Variants in DNAJC7 observed in about 807,000 individuals in gnomAD.
DNAJC7 encodes the protein DnaJ heat shock protein family (Hsp40) member C7.
A neutral mutation model predicts 67.4 loss-of-function variants in DNAJC7; 18 were observed. The ratio of observed to expected loss-of-function variants is 0.27; its 90% CI spans 0.18 to 0.40. The LOEUF (loss-of-function observed/expected upper bound fraction) is 0.40. DNAJC7 is among the 10% of genes least tolerant of loss of function. The pLI, the probability that DNAJC7 is intolerant of heterozygous loss-of-function variation, is 1.00. For synonymous variants in DNAJC7, 220 were observed against 207.8 expected, an observed-to-expected ratio of 1.06 and a Z score of -0.50; for missense variants, 419 against 613.8, an observed-to-expected ratio of 0.68 and a Z score of 3.35.
Position 42,012,367 on chromosome 17 carries a change from C to T in DNAJC7, c.77+4973G>A, listed in dbSNP as rs574106480. ...GTGTGGTGGCACACGCCTATAGTCC[C>T]AGCTACTCGGGAGGCTGAGGCAGGA... On this transcript the variant is annotated intron_variant, in intron 1 of 13. Transcript: ENST00000457167. Among the ~76,000 whole-genome samples, 6 of 152,314 alleles carry T rather than the reference C, an allele frequency of 3.9e-5. No individual in the cohort carries two copies. In the South Asian group the frequency reaches 1.2e-3, roughly 32 times the overall value.
rs782225201 is a variant in DNAJC7, at chr17:41,994,933, A to T, written c.417T>A (p.Ala139=). 11 of 1,613,894 alleles carry T rather than the reference A, an allele frequency of 6.8e-6. No individual in the cohort carries two copies. In the South Asian group the frequency reaches 1.2e-4, roughly 18 times the overall value. ...NAQAQQEFKN[A]NAVMEYEKIA... The stretch of plus-strand genomic sequence containing the variant: ...TTTTCTCATATTCCATGACTGCATT[A>T]GCATTCTTGAACTGCACCGGAAAAT... Residue 139 remains alanine, a synonymous_variant, in exon 5 of 14, where the codon GCT becomes GCA. Transcript: ENST00000457167.
chr17:42,012,172 G>A (rs189052855), intron 1 of DNAJC7, among the ~76,000 whole-genome samples: 28 of 152,324 alleles, frequency 1.8e-4, no homozygotes, highest in African/African-American at 5.1e-4. Context: ...GCTGAGACAC[G>A]TAAGTGTTTT....
At chr17:41,997,058 A>G in intron 3 of DNAJC7, 57 bp downstream of exon 3, 2 of 1,610,488 alleles carry the variant, frequency 1.2e-6, no homozygotes, top group Non-Finnish European at 1.7e-6. Context: ...ATACGGGGCT[A>G]GAGAAACTCA....
rs192744275 is a variant in DNAJC7, at chr17:42,001,344, C to T, written c.78-774G>A. Among the ~76,000 whole-genome samples the T allele has an allele frequency of 4.9e-4, 75 of 152,272 alleles. 1 individual carries two copies. The highest frequency in any genetic ancestry group is 4.4e-3 in the Admixed American group (67 of 15,290). The stretch of plus-strand genomic sequence containing the variant: ...GGGTGATAGCAGTATTTTTTCCCTA[C>T]CTCTAAGATCTATTTTTTGAAACTG... On this transcript the variant is annotated intron_variant, in intron 1 of 13. Transcript: ENST00000457167.
At chr17:41,990,468 C>G in intron 5 of DNAJC7, 86 bp from the exon 6 acceptor site, 2 of 1,148,558 alleles carry the variant, frequency 1.7e-6, no homozygotes, top group South Asian at 2.7e-5. Flanking sequence ...GTAACAGACT[C>G]AAAACTCAAT....
intron 9 of DNAJC7, among the ~76,000 whole-genome samples, chr17:41,986,874 C>A (rs1555646949): frequency 1.3e-5 from 2 of 152,168 alleles, no homozygotes. Context: ...ATATTCTGTA[C>A]CACTGATGAG....
In DNAJC7 at chr17:42,004,853, CTG is replaced by C. The variant is rs565216085; in HGVS notation, c.78-4285_78-4284del. Among the ~76,000 whole-genome samples the C allele has an allele frequency of 1.6e-4, 25 of 152,268 alleles. 1 individual carries two copies. The South Asian group carries it at 4.4e-3, about 27-fold the overall frequency. ...ACAGCCTGGAAAACACAGGGAGACT[CTG>C]TCTCTACAAAAATTTAAAAATTAGC... On this transcript the variant is annotated intron_variant, in intron 1 of 13. Transcript: ENST00000457167.
chr17:41,990,507 A>G, intron 5 of DNAJC7, 125 bp from the exon 6 acceptor site: 1 of 741,692 alleles, frequency 1.3e-6, no homozygotes, highest in Non-Finnish European at 2.3e-6. Flanking sequence ...TCTAAGTAAT[A>G]TCAAAGTTTA....
chr17:42,012,245 G>A (rs1555651121), intron 1 of DNAJC7, among the ~76,000 whole-genome samples: 1 of 152,236 alleles, frequency 6.6e-6, no homozygotes, highest in Non-Finnish European at 1.5e-5. Flanking sequence ...AGCACTTTGG[G>A]AGGACAAGGC....
intron 5 of DNAJC7, among the ~76,000 whole-genome samples, chr17:41,991,770 C>T (rs2051515079): frequency 6.6e-6 from 1 of 152,162 alleles, no homozygotes; most frequent in South Asian, 2.1e-4. Context: ...GCCTCGACTT[C>T]CCAGACTCCA....
chr17:41,983,494 C>T (rs2051302011), intron 10 of DNAJC7, 69 bp downstream of exon 10: 8 of 1,367,372 alleles, frequency 5.9e-6, no homozygotes, highest in African/African-American at 1.5e-5. Context: ...AATCAAACTA[C>T]CTTGTGTACA....
At chr17:41,995,606 C>A (rs371645994) in intron 4 of DNAJC7, among the ~76,000 whole-genome samples, 12 of 152,272 alleles carry the variant, frequency 7.9e-5, no homozygotes, top group African/African-American at 2.9e-4. Context: ...AGGTTTTAGT[C>A]CAGAAGCCAC....
At chr17:41,992,914 G>C (rs1267157736) in intron 5 of DNAJC7, 1 of 152,168 alleles carries the variant, frequency 6.6e-6, no homozygotes, top group African/African-American at 2.4e-5. Context: ...CACCTCTCAA[G>C]ACAAAGCTTT....
At chr17:41,993,104 T>C (rs1598131899) in intron 5 of DNAJC7, among the ~76,000 whole-genome samples, 1 of 152,246 alleles carries the variant, frequency 6.6e-6, no homozygotes, top group East Asian at 1.9e-4. Flanking sequence ...ATCAGATATA[T>C]ACATTACCAA....
At chr17:41,982,063 A>T in intron 11 of DNAJC7, 56 bp from the exon 12 acceptor site, 1 of 1,590,740 alleles carries the variant, frequency 6.3e-7, no homozygotes, top group Non-Finnish European at 8.5e-7. Flanking sequence ...AAGAAAACAA[A>T]GTTTAAGAGA....
intron 7 of DNAJC7, among the ~76,000 whole-genome samples, 179 bp from the exon 8 acceptor site, chr17:41,989,075 A>G (rs1261258368): frequency 1.3e-5 from 2 of 152,204 alleles, no homozygotes; most frequent in Admixed American, 6.5e-5. Context: ...AGTGGACAGG[A>G]AAAGAGTTAC....
intron 2 of DNAJC7, among the ~76,000 whole-genome samples, chr17:41,998,347 C>T (rs1598139761): frequency 6.6e-6 from 1 of 152,154 alleles, no homozygotes; most frequent in Non-Finnish European, 1.5e-5. Flanking sequence ...TGGCACACAC[C>T]TGCAATCCCA....
chr17:41,982,486 G>A (rs1555646154), intron 10 of DNAJC7, 85 bp from the exon 11 acceptor site: 49 of 1,528,802 alleles, frequency 3.2e-5, no homozygotes, highest in Non-Finnish European at 8.8e-7. Flanking sequence ...CTGGGAGTTA[G>A]AGGCCTTGTT....
intron 6 of DNAJC7, 24 bp downstream of exon 6, chr17:41,990,240 T>C: frequency 7.0e-6 from 11 of 1,580,200 alleles, no homozygotes; most frequent in Non-Finnish European, 9.5e-6. Context: ...GGCATTTTAA[T>C]GTCCAGCTAG....
Sources: allele counts gnomAD v4.1 joint callset (sites outside exome capture counted in the v4.1 genomes callset), GRCh38; gene constraint gnomAD v4.1.1; transcripts MANE v1.5; gene names NCBI Gene and HGNC (gene_info 2026-07-23, HGNC 2026-07-21).